FAM219A: variants seen among roughly 807,000 people sequenced by gnomAD.
FAM219A encodes protein FAM219A.
Under a neutral mutation model 23.4 loss-of-function variants are expected in FAM219A, and 7 were observed. That is an observed-to-expected ratio of 0.30 (90% CI 0.17 to 0.56). The LOEUF is 0.56. FAM219A is among the 20% of genes least tolerant of loss of function. FAM219A has a pLI of 0.92. For synonymous variants in FAM219A, 93 were observed against 99.0 expected, an observed-to-expected ratio of 0.94 and a Z score of 0.36; for missense variants, 166 against 246.9, an observed-to-expected ratio of 0.67 and a Z score of 2.20.
In FAM219A at chr9:34,401,740, A is replaced by G. The variant is rs1235936681; in HGVS notation, c.345-20T>C. 3 of 1,602,744 alleles carry G rather than the reference A, an allele frequency of 1.9e-6. No homozygotes were observed. Among genetic ancestry groups the G allele is most frequent in the African/African-American group, 2.7e-5 (2 of 74,878 alleles). On this transcript the variant is annotated intron_variant, in intron 4 of 5. Transcript: ENST00000651358. ...TCATCGCTGGCCATGGAGGAAAGAG[A>G]GGGAAAGTGATACCAAGAAATTACA... is the stretch of plus-strand genomic sequence containing the variant.
intron 1 of FAM219A, among the ~76,000 whole-genome samples, chr9:34,426,860 T>C (rs1163644494): frequency 6.6e-6 from 1 of 152,254 alleles, no homozygotes; most frequent in South Asian, 2.1e-4. Flanking sequence ...GATCCCCAGG[T>C]TGGGGCTAGA....
chr9:34,438,500 G>A (rs1404346644), intron 1 of FAM219A, among the ~76,000 whole-genome samples: 1 of 152,096 alleles, frequency 6.6e-6, no homozygotes, highest in Non-Finnish European at 1.5e-5. Context: ...CAGGGTTTGT[G>A]AATGCACCAA....
At chr9:34,437,392 A>C (rs1822961617) in intron 1 of FAM219A, among the ~76,000 whole-genome samples, 1 of 152,212 alleles carries the variant, frequency 6.6e-6, no homozygotes, top group Non-Finnish European at 1.5e-5. Flanking sequence ...TCCTGGTTGA[A>C]TTCCATCCCC....
chr9:34,453,231 G>A (rs889799305), intron 1 of FAM219A, among the ~76,000 whole-genome samples: 1 of 152,078 alleles, frequency 6.6e-6, no homozygotes, highest in Non-Finnish European at 1.5e-5. Context: ...AATATATATA[G>A]GTCAGTTTTC....
rs1026618782 is a variant in FAM219A, at chr9:34,457,751, C to T, written c.60+453G>A. ...ATATCCAGCGGACAGGCGGGCAAGC[C>T]CCTCCTCTTCTAAAAGCTGATTCCC... On this transcript the variant is annotated intron_variant, in intron 1 of 5. Coordinates refer to ENST00000651358, the MANE Select transcript of FAM219A (RefSeq NM_001184940.2). The surrounding 1 kb of genome is among the most constrained non-coding windows in gnomAD (Gnocchi z 5.1). 6.6e-6 allele frequency among the ~76,000 whole-genome samples: 1 copy of T among 152,200 alleles called. No individual in the cohort carries two copies. The highest frequency in any genetic ancestry group is 1.5e-5 in the Non-Finnish European group (1 of 68,046).
chr9:34,406,066 G>A (rs953301719), intron 1 of FAM219A, 102 bp from the exon 2 acceptor site: 1 of 1,211,854 alleles, frequency 8.3e-7, no homozygotes, highest in Non-Finnish European at 1.1e-6. Flanking sequence ...CTGGGCTTCT[G>A]TGAGCATTCA....
At chr9:34,419,337 G>T (rs867841830) in intron 1 of FAM219A, among the ~76,000 whole-genome samples, 3 of 152,038 alleles carry the variant, frequency 2.0e-5, no homozygotes, top group Non-Finnish European at 4.4e-5. Flanking sequence ...GGAGTTGGAC[G>T]GGGCTGGGGA....
intron 4 of FAM219A, 33 bp from the exon 5 acceptor site, chr9:34,401,753 C>T (rs748241352): frequency 6.3e-7 from 1 of 1,596,196 alleles, no homozygotes; most frequent in African/African-American, 1.3e-5. Context: ...GAAAGTGATA[C>T]CAAGAAATTA....
At chr9:34,427,712 T>A (rs1234985739) in intron 1 of FAM219A, among the ~76,000 whole-genome samples, 3 of 152,190 alleles carry the variant, frequency 2.0e-5, no homozygotes, top group Non-Finnish European at 4.4e-5. Flanking sequence ...TCCTGACCTA[T>A]CAGACCATGC....
intron 1 of FAM219A, among the ~76,000 whole-genome samples, chr9:34,452,583 C>T (rs1397797574): frequency 6.6e-6 from 1 of 152,210 alleles, no homozygotes. Flanking sequence ...AGAATTATTA[C>T]ACCCAGGTCT....
At chr9:34,439,300 G>C (rs906316422) in intron 1 of FAM219A, among the ~76,000 whole-genome samples, 2 of 152,196 alleles carry the variant, frequency 1.3e-5, no homozygotes, top group Admixed American at 1.3e-4. Context: ...CAGGGTATAT[G>C]GTTGAATGTC....
chr9:34,405,804 G>C, intron 2 of FAM219A, 61 bp downstream of exon 2: 1 of 1,515,122 alleles, frequency 6.6e-7, no homozygotes. Flanking sequence ...CCTCATTGTA[G>C]ACCCAGCCCA....
chr9:34,436,724 G>T (rs1822936370), intron 1 of FAM219A, among the ~76,000 whole-genome samples: 2 of 152,172 alleles, frequency 1.3e-5, no homozygotes. Flanking sequence ...ACTGGCTGTG[G>T]TAAGTACTTG....
chr9:34,401,577 C>T, intron 5 of FAM219A, 89 bp downstream of exon 5: 1 of 1,462,646 alleles, frequency 6.8e-7, no homozygotes, highest in South Asian at 1.2e-5. Flanking sequence ...CCTCTTTTTC[C>T]TTGTACTTGG....
Position 34,401,585 on chromosome 9 carries a change from TG to T in FAM219A, c.399+80del, listed in dbSNP as rs372248470. 224 of 1,491,894 alleles carry T rather than the reference TG, an allele frequency of 1.5e-4. No individual in the cohort carries two copies. The African/African-American group carries it at 2.6e-3, about 17-fold the overall frequency. The allele number at this position is 1,491,894 out of a possible 1,614,324, so 92.4% of individuals were successfully genotyped here. ...GCCCAGCCCTCTTTTTCCTTGTACTTGGGCATTGGCCCCAGCCCTCCCCCGG... is the reference window on the plus strand; with the variant it reads ...GCCCAGCCCTCTTTTTCCTTGTACTTGGCATTGGCCCCAGCCCTCCCCCGG... On this transcript the variant is annotated intron_variant, in intron 5 of 5. Coordinates refer to ENST00000651358, the MANE Select transcript of FAM219A (RefSeq NM_001184940.2).
intron 1 of FAM219A, among the ~76,000 whole-genome samples, chr9:34,449,880 G>A (rs555166782): frequency 6.6e-5 from 10 of 152,242 alleles, no homozygotes; most frequent in South Asian, 6.2e-4. Context: ...ATTTTTCTAC[G>A]GAGACTTTTT....
At chr9:34,456,091 G>A (rs1232357527) in intron 1 of FAM219A, among the ~76,000 whole-genome samples, 1 of 152,184 alleles carries the variant, frequency 6.6e-6, no homozygotes, top group African/African-American at 2.4e-5. Context: ...TACTTGGGAG[G>A]CTGAGGTAGG....
At chr9:34,421,938 C>T (rs533871778) in intron 1 of FAM219A, among the ~76,000 whole-genome samples, 3 of 152,176 alleles carry the variant, frequency 2.0e-5, no homozygotes, top group Non-Finnish European at 4.4e-5. Context: ...GTTAATACAG[C>T]GACCACACTT....
At chr9:34,411,582 CAGG>C (rs1821821004) in intron 1 of FAM219A, among the ~76,000 whole-genome samples, 1 of 150,168 alleles carries the variant, frequency 6.7e-6, no homozygotes, top group South Asian at 2.1e-4. Context: ...GAGGCTGAGG[CAGG>C]AGAATGGCTA....
Sources: allele counts gnomAD v4.1 joint callset (sites outside exome capture counted in the v4.1 genomes callset), GRCh38; gene constraint gnomAD v4.1.1; non-coding constraint Gnocchi (gnomAD v3.1); transcripts MANE v1.5; gene names NCBI Gene and HGNC (gene_info 2026-07-23, HGNC 2026-07-21).